The following PGM5 variants were observed in gnomAD, a reference collection of about 807,000 sequenced individuals.
The protein encoded by PGM5 is phosphoglucomutase-like protein 5.
A neutral mutation model predicts 59.2 loss-of-function variants in PGM5; 23 were observed. The observed-to-expected ratio is 0.39, with a 90% CI of 0.28 to 0.55. The LOEUF is 0.55. PGM5 is among the 20% of genes least tolerant of loss of function. The pLI is 0.66. For synonymous variants in PGM5, 214 were observed against 286.0 expected (o/e 0.75, Z 2.54); for missense variants, 574 against 748.3 (o/e 0.77, Z 2.72).
At chr9:68,436,019 G>A (rs1050992738) in intron 6 of PGM5, among the ~76,000 whole-genome samples, 2 of 152,254 alleles carry the variant, frequency 1.3e-5, no homozygotes, top group South Asian at 4.2e-4. Flanking sequence ...ATTAGATATG[G>A]CCTGAAGGAG....
At position 68,461,870 on chromosome 9, in the gene PGM5, G is replaced by A. The variant is rs530850100; in HGVS notation, c.1044-3223G>A. On this transcript the variant is annotated intron_variant, in intron 6 of 10. Coordinates refer to ENST00000396396, the MANE Select transcript of PGM5 (RefSeq NM_021965.4). The stretch of plus-strand genomic sequence containing the variant: ...GGCAACTTGAAGTATTCTGACAGAC[G>A]TGGGAAAGGAGGATTAATCCAGGAA... Among the ~76,000 whole-genome samples the A allele has an allele frequency of 2.4e-4, 36 of 152,142 alleles. No individual in the cohort carries two copies. The South Asian group carries it at 3.1e-3, about 13-fold the overall frequency.
At chr9:68,419,715 C>T (rs1465165298) in intron 6 of PGM5, among the ~76,000 whole-genome samples, 1 of 152,224 alleles carries the variant, frequency 6.6e-6, no homozygotes, top group African/African-American at 2.4e-5. Flanking sequence ...TCAGTTATCT[C>T]AGAGCCAAGA....
intron 6 of PGM5, among the ~76,000 whole-genome samples, chr9:68,457,255 A>G (rs1330274421): frequency 1.3e-5 from 2 of 152,172 alleles, no homozygotes; most frequent in Non-Finnish European, 2.9e-5. Flanking sequence ...GACCCAACTT[A>G]TAGAATATTC....
chr9:68,459,165 T>C (rs1379209613), intron 6 of PGM5, among the ~76,000 whole-genome samples: 1 of 152,202 alleles, frequency 6.6e-6, no homozygotes, highest in East Asian at 1.9e-4. Flanking sequence ...ATGCACTTAG[T>C]CATAAACACT....
chr9:68,448,673 C>A (rs1823650675), intron 6 of PGM5, among the ~76,000 whole-genome samples: 2 of 152,216 alleles, frequency 1.3e-5, no homozygotes. Context: ...GGAATATAGT[C>A]CAGAGATCAT....
At chr9:68,432,889 G>A (rs559133827) in intron 6 of PGM5, among the ~76,000 whole-genome samples, 11 of 152,146 alleles carry the variant, frequency 7.2e-5, no homozygotes, top group Non-Finnish European at 1.6e-4. Flanking sequence ...TTAAAGGCAC[G>A]AGCCACTGCG....
At chr9:68,412,669 C>T (rs1369374561) in intron 6 of PGM5, among the ~76,000 whole-genome samples, 3 of 152,326 alleles carry the variant, frequency 2.0e-5, no homozygotes, top group African/African-American at 7.2e-5. Flanking sequence ...GCATCAGTAT[C>T]CAGCTGGCCA....
chr9:68,475,572 A>G (rs144165392), intron 7 of PGM5, among the ~76,000 whole-genome samples: 264 of 152,268 alleles, frequency 1.7e-3, no homozygotes, highest in African/African-American at 5.8e-3. Flanking sequence ...ATTTATTAAA[A>G]TTGAATGCAC....
chr9:68,521,371 C>T (rs555441869), intron 10 of PGM5, among the ~76,000 whole-genome samples: 3 of 152,258 alleles, frequency 2.0e-5, no homozygotes, highest in East Asian at 1.9e-4. Context: ...GAACACTGAT[C>T]GTGGCTTCCG....
intron 10 of PGM5, among the ~76,000 whole-genome samples, chr9:68,523,217 A>G (rs1324625527): frequency 6.6e-6 from 1 of 152,164 alleles, no homozygotes; most frequent in African/African-American, 2.4e-5. Context: ...GATGCAAACA[A>G]TGCAGCCTGG....
intron 2 of PGM5, among the ~76,000 whole-genome samples, chr9:68,380,312 A>G (rs1232048726): frequency 3.9e-5 from 6 of 152,098 alleles, no homozygotes; most frequent in Admixed American, 3.9e-4. Context: ...AAATTTACAA[A>G]TATGTGGAAA....
chr9:68,414,566 C>G (rs545214137), intron 6 of PGM5, among the ~76,000 whole-genome samples: 13 of 151,964 alleles, frequency 8.6e-5, no homozygotes, highest in Admixed American at 5.2e-4. Flanking sequence ...GGCTGGTGAC[C>G]ACACTGCTCT....
At chr9:68,417,651 G>A (rs1554682082) in intron 6 of PGM5, among the ~76,000 whole-genome samples, 1 of 152,160 alleles carries the variant, frequency 6.6e-6, no homozygotes, top group Non-Finnish European at 1.5e-5. Context: ...GAAGAGACAA[G>A]AAAGCATATA....
intron 6 of PGM5, among the ~76,000 whole-genome samples, chr9:68,446,425 C>T (rs1233795038): frequency 6.6e-6 from 1 of 152,236 alleles, no homozygotes; most frequent in Non-Finnish European, 1.5e-5. Context: ...TGGTCTATAG[C>T]CTCTAACAAC....
intron 1 of PGM5, among the ~76,000 whole-genome samples, chr9:68,362,865 CTTTTTTTTTTT>C (rs1163826772): frequency 1.4e-4 from 14 of 96,772 alleles, no homozygotes; most frequent in Admixed American, 3.7e-4. Context: ...TTTTCTTTTT[CTTTTTTTTTTT>C]TTTTTTTTTT....
At chr9:68,430,702 A>C (rs924242215) in intron 6 of PGM5, among the ~76,000 whole-genome samples, 2 of 152,206 alleles carry the variant, frequency 1.3e-5, no homozygotes, top group Admixed American at 6.5e-5. Flanking sequence ...AGTAAGGGAA[A>C]TCTCAGTAAG....
chr9:68,435,704 A>G (rs1017658271), intron 6 of PGM5, among the ~76,000 whole-genome samples: 15 of 152,262 alleles, frequency 9.9e-5, no homozygotes, highest in East Asian at 1.9e-4. Context: ...TTTTTTGTCT[A>G]TTATGAATAA....
chr9:68,456,541 G>A (rs556198029), intron 6 of PGM5, among the ~76,000 whole-genome samples: 19 of 148,578 alleles, frequency 1.3e-4, no homozygotes, highest in African/African-American at 4.2e-4. Context: ...GGATGGTCTC[G>A]ATCTCCTGAC....
At chr9:68,468,843 T>A (rs1823978187) in intron 7 of PGM5, among the ~76,000 whole-genome samples, 1 of 152,246 alleles carries the variant, frequency 6.6e-6, no homozygotes, top group African/African-American at 2.4e-5. Flanking sequence ...CTTTTACCAT[T>A]GCTAGGATGG....
Sources: allele counts gnomAD v4.1 joint callset (sites outside exome capture counted in the v4.1 genomes callset), GRCh38; gene constraint gnomAD v4.1.1; transcripts MANE v1.5; gene names NCBI Gene and HGNC (gene_info 2026-07-23, HGNC 2026-07-21).